Variants in CKAP5 observed in about 807,000 individuals in gnomAD.
CKAP5 encodes cytoskeleton associated protein 5, also known as cytoskeleton-associated protein 5.
Under a neutral mutation model 232.8 loss-of-function variants are expected in CKAP5, and 27 were observed. The ratio of observed to expected loss-of-function variants is 0.12; its 90% CI spans 0.09 to 0.16. The LOEUF (loss-of-function observed/expected upper bound fraction) is 0.16, where lower values mean the gene tolerates loss of function less well. Among genes scored for constraint, CKAP5 ranks in the 10% least tolerant of loss-of-function variants. The pLI, the probability that CKAP5 is intolerant of heterozygous loss-of-function variation, is 1.00. For synonymous variants in CKAP5, 785 were observed against 841.1 expected, an observed-to-expected ratio of 0.93 and a Z score of 1.16; for missense variants, 1,838 against 2,424.7, an observed-to-expected ratio of 0.76 and a Z score of 5.08.
chr11:46,797,761 GCCTAGGTATAAAATATTC>G (rs777343019), intron 11 of CKAP5, 26 bp downstream of exon 11: 40 of 1,553,104 alleles, frequency 2.6e-5, no homozygotes, highest in Non-Finnish European at 3.2e-5. Context: ...AAAGAATCTT[GCCTAGGTATAAAATATTC>G]CCCCAACTTC....
intron 1 of CKAP5, chr11:46,826,886 G>C (rs1389506492): frequency 1.3e-5 from 2 of 154,322 alleles, no homozygotes; most frequent in Non-Finnish European, 2.9e-5. Context: ...CGCCTCCTCC[G>C]AGGGCGGGGC....
chr11:46,790,537 G>A lies in CKAP5; in HGVS notation c.1697C>T (p.Ala566Val), dbSNP rs1938695420. Residue 566 changes from alanine to valine, a missense_variant, in exon 14 of 44, where the codon GCA (alanine) becomes GTA (valine). By Grantham distance (64) the Ala-to-Val change is moderately conservative. Around this residue, in one of 6 missense-constraint regions of CKAP5, gnomAD observed 767 missense variants for 954.6 expected, o/e 0.80. Coordinates refer to ENST00000529230, the MANE Select transcript of CKAP5 (RefSeq NM_001008938.4). ...CTTGTTCTTGGTTCCAGTATTCCCTGCGCCTCCTGGTGCAGCTGGTTTCCC... is the reference window on the plus strand; with the variant it reads ...CTTGTTCTTGGTTCCAGTATTCCCTACGCCTCCTGGTGCAGCTGGTTTCCC... ...KKGKPAAPGG[A>V]GNTGTKNKKG... 1.2e-6 allele frequency: 2 copies of A among 1,614,030 alleles called. No individual in the cohort carries two copies. Among genetic ancestry groups the A allele is most frequent in the South Asian group, 1.1e-5 (1 of 91,060 alleles).
At chr11:46,845,158 GT>G (rs780906292) in intron 1 of CKAP5, among the ~76,000 whole-genome samples, 64 of 152,206 alleles carry the variant, frequency 4.2e-4, no homozygotes, top group Non-Finnish European at 8.7e-4. Context: ...GGCTCTTTAG[GT>G]CAAAAGAAGG....
intron 1 of CKAP5, among the ~76,000 whole-genome samples, chr11:46,824,698 T>C (rs1939612889): frequency 2.0e-5 from 3 of 152,210 alleles, no homozygotes; most frequent in Admixed American, 2.0e-4. Flanking sequence ...CTAGCTGCTG[T>C]GTAAAACCAT....
intron 1 of CKAP5, among the ~76,000 whole-genome samples, chr11:46,822,174 G>A (rs539276483): frequency 4.6e-5 from 7 of 152,082 alleles, no homozygotes; most frequent in East Asian, 1.9e-4. Flanking sequence ...CCAGCTACTC[G>A]GGAAGCTGAG....
rs747078319 is a variant in CKAP5 at position 46,767,626 on chromosome 11, G to A, written c.3360C>T (p.Pro1120=). 1.2e-5 allele frequency: 20 copies of A among 1,612,566 alleles called. No homozygotes were observed. The highest frequency in any genetic ancestry group is 1.7e-5 in the Non-Finnish European group (20 of 1,179,168). ...AEDCISSSTE[P]KPDPKKAKAP... ...CTTTGGCCTTTTTTGGATCAGGTTT[G>A]GGTTCTGTACTGCTGGAAATACAAT... The change falls in exon 27 of 44, where the codon CCC becomes CCT. Residue 1120 remains proline (P), a synonymous_variant. Coordinates refer to ENST00000529230, the MANE Select transcript of CKAP5 (RefSeq NM_001008938.4).
In CKAP5 at chr11:46,750,365, A is replaced by G. The variant is rs550777805; in HGVS notation, c.5613T>C (p.Asn1871=). The change falls in exon 42 of 44, where the codon AAT becomes AAC. Residue 1871 remains asparagine, a synonymous_variant. Coordinates refer to ENST00000529230, the MANE Select transcript of CKAP5 (RefSeq NM_001008938.4). ...SDADIEPFLK[N]SSQFFQSYVE... is the part of the protein sequence containing the mutation. ...CATAGCTCTGGAAGAACTGTGAGGA[A>G]TTTTTCAGAAATGGTTCAATGTCAG... 5.1e-5 allele frequency: 83 copies of G among 1,614,096 alleles called. No individual in the cohort carries two copies. The South Asian group carries it at 8.8e-4, about 17-fold the overall frequency.
rs1203515171 is a variant in CKAP5, at chr11:46,796,844, G to C, written c.1435C>G (p.Leu479Val). 2.5e-6 allele frequency: 4 copies of C among 1,613,930 alleles called. No individual in the cohort carries two copies. The highest frequency in any genetic ancestry group is 3.4e-6 in the Non-Finnish European group (4 of 1,179,956). ...VVGEKAVNPF[L>V]ADVDKLKLDK... ...AGCTTGAGTTTGTCCACATCAGCTA[G>C]GAATGGGTTTACTGCTTTCTCGCCA... The change falls in exon 12 of 44, where the codon CTA (leucine) becomes GTA (valine). Residue 479 changes from leucine (L) to valine (V), a missense_variant. Leu to Val is a conservative substitution (Grantham distance 32). Transcript: ENST00000529230.
intron 8 of CKAP5, among the ~76,000 whole-genome samples, chr11:46,803,595 T>C (rs1033213801): frequency 1.3e-5 from 2 of 152,172 alleles, no homozygotes; most frequent in Admixed American, 6.5e-5. Context: ...TAAAGATTAA[T>C]GTGCTTACAG....
In CKAP5 at chr11:46,777,542, G is replaced by A. The variant is rs1446479340; in HGVS notation, c.2759C>T (p.Thr920Met). ...NDSNKILVQQTLNILQQLAVA... is the reference protein window; with the variant it reads ...NDSNKILVQQMLNILQQLAVA... ...TGCCAGTTGTTGCAGGATATTCAGC[G>A]TTTGCTGTACCTGAGTGGAAAGAGC... is the stretch of plus-strand genomic sequence containing the variant. Residue 920 changes from threonine to methionine, a missense_variant, in exon 23 of 44, where the codon ACG becomes ATG. Around this residue, in one of 6 missense-constraint regions of CKAP5, gnomAD observed 767 missense variants for 954.6 expected, o/e 0.80. Coordinates refer to ENST00000529230, the MANE Select transcript of CKAP5 (RefSeq NM_001008938.4). 3 of 1,610,420 alleles carry A rather than the reference G, an allele frequency of 1.9e-6. No homozygotes were observed. The highest frequency in any genetic ancestry group is 2.5e-6 in the Non-Finnish European group (3 of 1,176,800).
At chr11:46,803,534 T>C (rs757530395) in intron 8 of CKAP5, among the ~76,000 whole-genome samples, 27 of 152,066 alleles carry the variant, frequency 1.8e-4, no homozygotes, top group Non-Finnish European at 3.5e-4. Flanking sequence ...TCCCAAAGTG[T>C]TGGGATTACA....
intron 38 of CKAP5, 141 bp from the exon 39 acceptor site, chr11:46,751,675 G>C: frequency 1.4e-6 from 1 of 699,378 alleles, no homozygotes; most frequent in Non-Finnish European, 2.3e-6. Context: ...TTCAAGTTCA[G>C]CTGCTAAAAC....
At position 46,765,135 on chromosome 11, in the gene CKAP5, A is replaced by G. The variant is rs2065191074; in HGVS notation, c.3533T>C (p.Leu1178Ser). ...CGATTCTTAATCCTTCCTTACCTTC[A>G]ATCCTTTTTCATCTTTCATCCTTTG... is the stretch of plus-strand genomic sequence containing the variant. ...KEQRMKDEKG[L>S]KVLKWNFTTP... Residue 1178 changes from leucine (L) to serine (S), a missense_variant, in exon 28 of 44, where the codon TTG becomes TCG. Around this residue, in one of 6 missense-constraint regions of CKAP5, gnomAD observed 767 missense variants for 954.6 expected, o/e 0.80. Transcript: ENST00000529230. 1 of 1,611,956 alleles carries G rather than the reference A, an allele frequency of 6.2e-7. No individual in the cohort carries two copies. The highest frequency in any genetic ancestry group is 8.5e-7 in the Non-Finnish European group (1 of 1,179,152).
At chr11:46,760,429 G>GAGACAA in intron 33 of CKAP5, 183 bp downstream of exon 33, 3 of 709,394 alleles carry the variant, frequency 4.2e-6, no homozygotes, top group East Asian at 2.7e-5. Context: ...AAGTGGTTTT[G>GAGACAA]AGACAAAGAC....
At chr11:46,841,978 A>G (rs558764044) in intron 1 of CKAP5, among the ~76,000 whole-genome samples, 11 of 146,902 alleles carry the variant, frequency 7.5e-5, no homozygotes, top group Non-Finnish European at 1.5e-4. Flanking sequence ...AGCCCTGGAG[A>G]AAGAGTAAGA....
intron 12 of CKAP5, 42 bp downstream of exon 12, chr11:46,796,770 A>G: frequency 3.1e-6 from 5 of 1,607,502 alleles, no homozygotes; most frequent in Non-Finnish European, 4.3e-6. Flanking sequence ...GCAAAGAGAC[A>G]GGAATGTTGT....
At chr11:46,765,613 T>G (rs1027830833) in intron 27 of CKAP5, among the ~76,000 whole-genome samples, 5 of 143,966 alleles carry the variant, frequency 3.5e-5, no homozygotes, top group Non-Finnish European at 7.6e-5. Context: ...TTTTTTTTTT[T>G]TTTTTTTTTG....
At position 46,762,990 on chromosome 11, in the gene CKAP5, A is replaced by G; in HGVS notation, c.3877T>C (p.Tyr1293His). 1 of 1,613,418 alleles carries G rather than the reference A, an allele frequency of 6.2e-7. No individual in the cohort carries two copies. Among genetic ancestry groups the G allele is most frequent in the Non-Finnish European group, 8.5e-7 (1 of 1,179,420 alleles). The stretch of plus-strand genomic sequence containing the variant: ...CACCACATTACCTTGACGACAAGAT[A>G]GGGGATGAAGGAAGATGCTTCATTC... ...TENEASSFIP[Y>H]LVVKVGEPKD... The change falls in exon 30 of 44, where the codon TAT (tyrosine) becomes CAT (histidine). Residue 1293 changes from tyrosine to histidine, a missense_variant. This residue lies in a region of CKAP5 where 48 missense variants were observed against 98.1 expected (regional missense o/e 0.49). Coordinates refer to ENST00000529230, the MANE Select transcript of CKAP5 (RefSeq NM_001008938.4).
At position 46,751,347 on chromosome 11, in the gene CKAP5, T is replaced by C; in HGVS notation, c.5321A>G (p.Lys1774Arg). The C allele has an allele frequency of 6.2e-7, 1 of 1,613,888 alleles. No individual in the cohort carries two copies. The highest frequency in any genetic ancestry group is 8.5e-7 in the Non-Finnish European group (1 of 1,179,882). The change falls in exon 39 of 44, where the codon AAG becomes AGG. Residue 1774 changes from lysine to arginine, a missense_variant and splice_region_variant. Coordinates refer to ENST00000529230, the MANE Select transcript of CKAP5 (RefSeq NM_001008938.4). The stretch of plus-strand genomic sequence containing the variant: ...AGACCAGTTGCGATTCTTACTCACC[T>C]TGGGCCCTTTTAATTTGCATAAGGT... Reference protein sequence around the residue: ...LHTLCKLKGPKILDHLTMIDN... With the variant: ...LHTLCKLKGPRILDHLTMIDN...
Sources: gnomAD v4.1 joint callset for allele counts (sites outside exome capture counted in the v4.1 genomes callset) on GRCh38, gnomAD v4.1.1 for gene constraint, gnomAD v4.1.1 regional missense constraint, MANE v1.5 for transcripts, NCBI Gene and HGNC (gene_info 2026-07-23, HGNC 2026-07-21) for gene names.